The following FAAP20 variants were observed in gnomAD, a reference collection of about 807,000 sequenced individuals.
FAAP20 encodes Fanconi anemia core complex-associated protein 20.
In FAAP20, 12 loss-of-function variants were observed where a neutral mutation model predicts 16.2. The ratio of observed to expected loss-of-function variants is 0.74; its 90% CI spans 0.48 to 1.20. The LOEUF is 1.20. Ranked by LOEUF, FAAP20 falls within the 50% of genes most tolerant of loss-of-function variation. The probability of loss-of-function intolerance (pLI) is 0.00; values close to 1 mark genes in which losing one functional copy is unlikely to be tolerated. For synonymous variants in FAAP20, 141 were observed against 110.7 expected (o/e 1.27, Z -1.72); for missense variants, 288 against 245.8 (o/e 1.17, Z -1.15).
At chr1:2,186,019 A>C (rs1416846723), downstream of FAAP20, 1 of 438,990 alleles carries the variant, frequency 2.3e-6, no homozygotes, top group Non-Finnish European at 4.6e-6. Flanking sequence ...AGGTGAAGGC[A>C]CAGCTGTCCA....
chr1:2,189,948 G>A (rs1295004470), intron 3 of FAAP20, 167 bp from the exon 4 acceptor site: 2 of 650,982 alleles, frequency 3.1e-6, no homozygotes, highest in Non-Finnish European at 2.8e-6. Flanking sequence ...GGCAGACCAC[G>A]GTAACCGCCA....
chr1:2,199,531 G>C (rs1688963801), upstream of FAAP20: 1 of 986,158 alleles, frequency 1.0e-6, no homozygotes, highest in Non-Finnish European at 1.2e-6. The surrounding 1 kb of genome is among the most constrained non-coding windows in gnomAD (Gnocchi z 4.5). Flanking sequence ...GCCTCTCAGA[G>C]TGCGCGGCAC....
At chr1:2,201,490 G>A (rs1355818847), upstream of FAAP20, among the ~76,000 whole-genome samples, 1 of 152,220 alleles carries the variant, frequency 6.6e-6, no homozygotes, top group Non-Finnish European at 1.5e-5. Context: ...GGAAGGCCAA[G>A]GCGGGTGTAT....
Position 2,193,836 on chromosome 1 carries a change from CGGA to C in FAAP20, c.270_272del (p.Phe90_Pro91delinsLeu), listed in dbSNP as rs1557782546. 1.2e-6 allele frequency: 2 copies of C among 1,611,700 alleles called. No individual in the cohort carries two copies. The highest frequency in any genetic ancestry group is 1.3e-5 in the African/African-American group (1 of 74,822). On this transcript the variant is annotated inframe_deletion, in exon 3 of 4. Coordinates refer to ENST00000378546, the MANE Select transcript of FAAP20 (RefSeq NM_182533.4). ...AACGGCCCGGGCCCCACAGGTCCGG[CGGA>C]AAGGGTGTCCAGGAAAAGGTCTTGG...
chr1:2,194,059 G>C lies in FAAP20; in HGVS notation c.137C>G (p.Thr46Arg). The change falls in exon 2 of 4, where the codon ACG becomes AGG. Residue 46 changes from threonine to arginine, a missense_variant. Physicochemically the swap from Thr to Arg is moderately conservative, Grantham distance 71 (BLOSUM62 -1). Transcript: ENST00000378546. ...RERLWAELLRTVSPELILDHE... is the reference protein window; with the variant it reads ...RERLWAELLRRVSPELILDHE... ...ATCCAGGATCAGCTCCGGGCTCACC[G>C]TGCGCAGTAGCTCGGCCCAGAGCCG... The C allele has an allele frequency of 6.2e-7, 1 of 1,612,632 alleles. No homozygotes were observed. Among genetic ancestry groups the C allele is most frequent in the Non-Finnish European group, 8.5e-7 (1 of 1,179,944 alleles).
chr1:2,206,683 A>G (rs1341521398), intron 1 of FAAP20: 2 of 152,236 alleles, frequency 1.3e-5, no homozygotes, highest in African/African-American at 4.8e-5. Flanking sequence ...AATACAAAAA[A>G]TTAGCTAGGC....
At chr1:2,184,969 A>T (rs1687358770), downstream of FAAP20, 2 of 1,613,842 alleles carry the variant, frequency 1.2e-6, no homozygotes, top group Non-Finnish European at 8.5e-7. Context: ...GGCTTTGAGT[A>T]TATCAACCCA....
At chr1:2,201,184 G>A, upstream of FAAP20, 1 of 1,245,252 alleles carries the variant, frequency 8.0e-7, no homozygotes, top group African/African-American at 1.5e-5. Context: ...CCTTCACAGA[G>A]GAGCCGTGGG....
chr1:2,211,072 G>T (rs551360360), downstream of FAAP20, among the ~76,000 whole-genome samples: 122 of 152,244 alleles, frequency 8.0e-4, no homozygotes, highest in African/African-American at 2.8e-3. Flanking sequence ...TCACTCTCAG[G>T]GGCTGGATGC....
chr1:2,189,694 G>A lies in FAAP20; in HGVS notation c.*15C>T. ...GTCCGGGCGCCGCACTCTGCGCAGG[G>A]CTCTTGGATGGCGCTCACCACGTCA... On this transcript the variant is annotated 3_prime_UTR_variant, in exon 4 of 4. Transcript: ENST00000378546. The A allele has an allele frequency of 1.9e-6, 3 of 1,610,864 alleles. No homozygotes were observed. Among genetic ancestry groups the A allele is most frequent in the Non-Finnish European group, 2.5e-6 (3 of 1,178,314 alleles).
chr1:2,189,344 AC>A (rs1278091946), downstream of FAAP20, among the ~76,000 whole-genome samples: 6 of 150,574 alleles, frequency 4.0e-5, no homozygotes, highest in African/African-American at 1.2e-4. Flanking sequence ...AAAAAAAAAA[AC>A]AAAAAAAAAA....
downstream of FAAP20, chr1:2,187,225 CATT>C (rs756313908): frequency 8.6e-6 from 4 of 464,666 alleles, no homozygotes; most frequent in South Asian, 4.8e-5. Flanking sequence ...GAAATGTTCA[CATT>C]ATTATTTTCA....
intron 3 of FAAP20, chr1:2,190,756 GAC>G (rs1688127124): frequency 3.4e-6 from 1 of 295,076 alleles, no homozygotes. Flanking sequence ...ACTGCTGGGG[GAC>G]ACACCCCCAC....
chr1:2,196,587 C>G (rs1320907407), upstream of FAAP20, among the ~76,000 whole-genome samples: 1 of 151,462 alleles, frequency 6.6e-6, no homozygotes, highest in Admixed American at 6.6e-5. This position sits in a 1 kb window ranked among gnomAD's most constrained non-coding sequence, Gnocchi z 4.5. Context: ...AGCCTGCAAT[C>G]CCAGCACTTT....
chr1:2,207,915 T>TGC (rs200249248), downstream of FAAP20, among the ~76,000 whole-genome samples: 112 of 28,322 alleles, frequency 4.0e-3, no homozygotes, highest in African/African-American at 0.026. Context: ...CACCCGTGTG[T>TGC]GTGTGTGTGT....
At chr1:2,198,606 C>T (rs934170158), upstream of FAAP20, 3 of 1,127,714 alleles carry the variant, frequency 2.7e-6, no homozygotes, top group Admixed American at 3.4e-5. Flanking sequence ...CCTAAGCAGC[C>T]CGGTGGCCGT....
At chr1:2,209,630 C>G (rs1156984837), downstream of FAAP20, among the ~76,000 whole-genome samples, 1 of 152,254 alleles carries the variant, frequency 6.6e-6, no homozygotes, top group Non-Finnish European at 1.5e-5. Context: ...TCAGCGGGGA[C>G]AGCTGGATCC....
downstream of FAAP20, among the ~76,000 whole-genome samples, chr1:2,208,523 C>T (rs1480224456): frequency 1.3e-5 from 2 of 152,178 alleles, no homozygotes; most frequent in Non-Finnish European, 2.9e-5. Context: ...GCGGAAGGTG[C>T]TGGGAGGGGG....
chr1:2,194,128 G>C lies in FAAP20; in HGVS notation c.68C>G (p.Ser23Cys), dbSNP rs750774097. ...RRRPRPAGGPSGGRPWFLLGG... is the reference protein window; with the variant it reads ...RRRPRPAGGPCGGRPWFLLGG... ...CAGGAGAAACCAGGGGCGGCCGCCAGAAGGCCTGGGGCAGACAGAGAGGGC... is the reference window on the plus strand; with the variant it reads ...CAGGAGAAACCAGGGGCGGCCGCCACAAGGCCTGGGGCAGACAGAGAGGGC... The change falls in exon 2 of 4, where the codon TCT becomes TGT. Residue 23 changes from serine to cysteine, a missense_variant. Coordinates refer to ENST00000378546, the MANE Select transcript of FAAP20 (RefSeq NM_182533.4). 4.3e-6 allele frequency: 7 copies of C among 1,612,162 alleles called. No individual in the cohort carries two copies. The African/African-American group carries it at 5.3e-5, about 12-fold the overall frequency.
Sources: gnomAD v4.1 joint callset for allele counts (sites outside exome capture counted in the v4.1 genomes callset) on GRCh38, gnomAD v4.1.1 for gene constraint, Gnocchi (gnomAD v3.1) non-coding constraint, MANE v1.5 for transcripts, NCBI Gene and HGNC (gene_info 2026-07-23, HGNC 2026-07-21) for gene names.